The following FLNB variants were observed in gnomAD, a reference collection of about 807,000 sequenced individuals.
The protein encoded by FLNB is filamin-B.
FLNB carries 111 observed loss-of-function variants against 250.6 expected under a neutral mutation model. The observed-to-expected ratio is 0.44, with a 90% CI of 0.38 to 0.52. FLNB has a LOEUF of 0.52. Ranked by LOEUF, FLNB falls within the 20% of genes least tolerant of loss-of-function variation. The probability of loss-of-function intolerance (pLI) is 0.00; values close to 1 mark genes in which losing one functional copy is unlikely to be tolerated. For synonymous variants in FLNB, 1,302 were observed against 1,372.1 expected (o/e 0.95, Z 1.13); for missense variants, 2,869 against 3,447.8 (o/e 0.83, Z 4.20).
chr3:58,149,795 G>C, intron 36 of FLNB, 55 bp from the exon 37 acceptor site: 2 of 1,609,154 alleles, frequency 1.2e-6, no homozygotes, highest in South Asian at 2.2e-5. Flanking sequence ...CATTCATCAG[G>C]CTCCCTCTTC....
intron 38 of FLNB, chr3:58,150,560 C>G (rs1485936001): frequency 2.7e-6 from 1 of 366,560 alleles, no homozygotes; most frequent in Non-Finnish European, 5.2e-6. Context: ...CTGGCCCTGC[C>G]GATGCCAGGG....
Position 58,110,078 on chromosome 3 carries a change from G to T in FLNB, c.2392G>T (p.Asp798Tyr), listed in dbSNP as rs766355423. 1.2e-6 allele frequency: 2 copies of T among 1,614,156 alleles called. No individual in the cohort carries two copies. Among genetic ancestry groups the T allele is most frequent in the Non-Finnish European group, 1.7e-6 (2 of 1,180,020 alleles). The change falls in exon 16 of 46, where the codon GAC becomes TAC. Residue 798 changes from aspartate to tyrosine, a missense_variant. By Grantham distance (160) the Asp-to-Tyr change is radical. Transcript: ENST00000295956. ...LSEDEEDVDF[D>Y]IIHNANDTFT... ...TGAAGATGAGGAAGACGTGGATTTTGACATTATTCACAATGCCAATGATAC... is the reference window on the plus strand; with the variant it reads ...TGAAGATGAGGAAGACGTGGATTTTTACATTATTCACAATGCCAATGATAC...
intron 23 of FLNB, 149 bp downstream of exon 23, chr3:58,125,892 A>T (rs1170023170): frequency 1.4e-6 from 1 of 737,842 alleles, no homozygotes; most frequent in African/African-American, 1.8e-5. Context: ...ACATAGAAAG[A>T]CCAAGCATAC....
In FLNB at chr3:58,106,141, A is replaced by G. The variant is rs571856895; in HGVS notation, c.1748-539A>G. Among the ~76,000 whole-genome samples, 11 of 152,094 alleles carry G rather than the reference A, an allele frequency of 7.2e-5. No homozygotes were observed. In the South Asian group the frequency reaches 2.3e-3, roughly 32 times the overall value. On this transcript the variant is annotated intron_variant, in intron 11 of 45. Transcript: ENST00000295956. ...GGCTCTATCCATTGTCAGGCTCTTC[A>G]GTTATTTCCAGGGTTTTGCTATAAA...
chr3:58,144,197 C>A (rs994825281), intron 32 of FLNB, among the ~76,000 whole-genome samples: 1 of 152,208 alleles, frequency 6.6e-6, no homozygotes, highest in South Asian at 2.1e-4. Flanking sequence ...CTTCCTACCC[C>A]TCTCCTTGAA....
chr3:58,128,203 G>A (rs2362907), intron 24 of FLNB, among the ~76,000 whole-genome samples: 60,066 of 151,956 alleles, frequency 0.4, 14,377 homozygotes, highest in East Asian at 0.91. Context: ...CTGACCACAC[G>A]CTTTCCTGAT....
chr3:58,131,978 A>C, intron 25 of FLNB: 6 of 1,537,180 alleles, frequency 3.9e-6, no homozygotes, highest in Non-Finnish European at 5.2e-6. Context: ...GCCCTTTCAG[A>C]GTTCTTTAAA....
At position 58,111,796 on chromosome 3, in the gene FLNB, C is replaced by A. The variant is rs770433624; in HGVS notation, c.2490C>A (p.Ile830=). ...TIKVLFASQE[I]PASPFRVKVD... is the part of the protein sequence containing the mutation. Reference sequence around the variant, plus strand: ...AGACTGTGTCTCTGCTACAGGAAATCCCCGCCAGCCCTTTCAGAGTCAAAG... The same window carrying A: ...AGACTGTGTCTCTGCTACAGGAAATACCCGCCAGCCCTTTCAGAGTCAAAG... The change falls in exon 17 of 46, where the codon ATC becomes ATA. Residue 830 remains isoleucine (I), a synonymous_variant. Coordinates refer to ENST00000295956, the MANE Select transcript of FLNB (RefSeq NM_001457.4). 2 of 1,613,648 alleles carry A rather than the reference C, an allele frequency of 1.2e-6. No homozygotes were observed. The highest frequency in any genetic ancestry group is 2.2e-5 in the East Asian group (1 of 44,884).
chr3:58,057,940 G>A (rs9880068), intron 1 of FLNB, among the ~76,000 whole-genome samples: 3,712 of 152,134 alleles, frequency 0.024, 125 homozygotes, highest in African/African-American at 0.084. Context: ...ACAGGCATGC[G>A]CCACCACGCC....
chr3:58,058,811 G>A (rs1559663651), intron 1 of FLNB, among the ~76,000 whole-genome samples: 1 of 152,184 alleles, frequency 6.6e-6, no homozygotes, highest in Non-Finnish European at 1.5e-5. Flanking sequence ...CTTTCTGTGT[G>A]TTTATTGCCT....
intron 29 of FLNB, 83 bp from the exon 30 acceptor site, chr3:58,141,775 G>C (rs908937948): frequency 1.6e-6 from 2 of 1,274,284 alleles, no homozygotes; most frequent in Admixed American, 3.4e-5. Flanking sequence ...TGGAGCAGTG[G>C]GGGAAGCAGC....
intron 1 of FLNB, among the ~76,000 whole-genome samples, chr3:58,050,776 C>G (rs919630323): frequency 6.6e-6 from 1 of 152,224 alleles, no homozygotes; most frequent in Admixed American, 6.5e-5. Context: ...GTGGCTGAGA[C>G]AGGTCCTCTG....
chr3:58,008,949 G>GC, intron 1 of FLNB, 93 bp downstream of exon 1: 2 of 1,491,218 alleles, frequency 1.3e-6, no homozygotes, highest in Non-Finnish European at 9.3e-7. Flanking sequence ...CCCGCAGCGC[G>GC]CCCCCACCTC....
intron 23 of FLNB, among the ~76,000 whole-genome samples, chr3:58,126,293 T>C (rs2097297721): frequency 6.6e-6 from 1 of 152,080 alleles, no homozygotes; most frequent in East Asian, 1.9e-4. Flanking sequence ...GGCATGTGAA[T>C]TGCTTGAACC....
chr3:58,092,504 GGT>G (rs2097229664), intron 4 of FLNB, among the ~76,000 whole-genome samples: 1 of 152,114 alleles, frequency 6.6e-6, no homozygotes, highest in African/African-American at 2.4e-5. Context: ...AAATTATACA[GGT>G]GTGGTGGTAT....
At chr3:58,049,372 TG>T (rs1402914139) in intron 1 of FLNB, among the ~76,000 whole-genome samples, 1 of 151,622 alleles carries the variant, frequency 6.6e-6, no homozygotes, top group Admixed American at 6.6e-5. Context: ...GGCACTGGGG[TG>T]GGGGTTAGAT....
chr3:58,015,261 G>T (rs10470696), intron 1 of FLNB, among the ~76,000 whole-genome samples: 52,737 of 152,050 alleles, frequency 0.35, 10,346 homozygotes, highest in African/African-American at 0.52. Flanking sequence ...TATATTTGAT[G>T]AGGTTAAGTT....
chr3:58,146,899 G>GACCT lies in FLNB; in HGVS notation c.5639_5642dup (p.Thr1883AlafsTer15). The GACCT allele has an allele frequency of 1.2e-6, 2 of 1,614,184 alleles. No homozygotes were observed. The highest frequency in any genetic ancestry group is 1.7e-6 in the Non-Finnish European group (2 of 1,180,036). ...ACAATAAAGATGGGACATGCACAGT[G>GACCT]ACCTACCTGCCGACTCTGCCAGGCG... On this transcript the variant is annotated frameshift_variant, in exon 34 of 46. Coordinates refer to ENST00000295956, the MANE Select transcript of FLNB (RefSeq NM_001457.4). LOFTEE classifies it high-confidence loss of function.
At chr3:58,130,273 C>T (rs2097304839) in intron 24 of FLNB, among the ~76,000 whole-genome samples, 1 of 152,168 alleles carries the variant, frequency 6.6e-6, no homozygotes, top group Non-Finnish European at 1.5e-5. Context: ...AGCCTGTCTC[C>T]TCCCTCGCCT....
Sources: gnomAD v4.1 joint callset for allele counts (sites outside exome capture counted in the v4.1 genomes callset) on GRCh38, gnomAD v4.1.1 for gene constraint, MANE v1.5 for transcripts, NCBI Gene and HGNC (gene_info 2026-07-23, HGNC 2026-07-21) for gene names.